Variants in MIR2052HG observed in about 807,000 individuals in gnomAD.
MIR2052HG encodes the protein MIR2052 host gene.
At chr8:74,643,421 G>C (rs1217599960) in intron 2 of MIR2052HG, among the ~76,000 whole-genome samples, 1 of 152,032 alleles carries the variant, frequency 6.6e-6, no homozygotes, top group Non-Finnish European at 1.5e-5. Flanking sequence ...AGTAAAAAAA[G>C]GATTGGTAAG....
At chr8:74,632,869 C>T (rs565865275) in intron 2 of MIR2052HG, among the ~76,000 whole-genome samples, 3 of 152,244 alleles carry the variant, frequency 2.0e-5, no homozygotes, top group African/African-American at 7.2e-5. Flanking sequence ...ATAATAGTCT[C>T]TGTTTTATGA....
At chr8:74,612,609 C>T (rs565205540) in intron 1 of MIR2052HG, 2 of 281,836 alleles carry the variant, frequency 7.1e-6, no homozygotes, top group Non-Finnish European at 1.4e-5. Context: ...TATCATTTGG[C>T]TAGCCATAGA....
At chr8:74,723,884 C>A (rs1809604778) in intron 4 of MIR2052HG, among the ~76,000 whole-genome samples, 1 of 152,128 alleles carries the variant, frequency 6.6e-6, no homozygotes, top group Non-Finnish European at 1.5e-5. Flanking sequence ...AATCTTATTT[C>A]TAGACAAAAA....
chr8:74,665,850 T>C (rs1382225086), intron 2 of MIR2052HG, among the ~76,000 whole-genome samples: 1 of 152,184 alleles, frequency 6.6e-6, no homozygotes, highest in Non-Finnish European at 1.5e-5. Context: ...TGATAGTGAA[T>C]ACGTCTCACA....
intron 4 of MIR2052HG, among the ~76,000 whole-genome samples, chr8:74,736,972 T>C (rs1197893558): frequency 6.6e-6 from 1 of 152,140 alleles, no homozygotes; most frequent in Non-Finnish European, 1.5e-5. Flanking sequence ...TTCCTAGAAC[T>C]AAATTGAAAG....
intron 2 of MIR2052HG, among the ~76,000 whole-genome samples, chr8:74,695,762 C>A (rs1809289541): frequency 6.6e-6 from 1 of 152,130 alleles, no homozygotes; most frequent in Middle Eastern, 3.4e-3. Flanking sequence ...ACTAGTCTAA[C>A]AGGAAAATAT....
intron 4 of MIR2052HG, among the ~76,000 whole-genome samples, chr8:74,708,149 G>C (rs914240549): frequency 6.6e-6 from 1 of 152,086 alleles, no homozygotes; most frequent in African/African-American, 2.4e-5. Context: ...TTTATGAAGA[G>C]ACCCCGTGAT....
intron 4 of MIR2052HG, among the ~76,000 whole-genome samples, chr8:74,729,293 A>C (rs1310116053): frequency 6.6e-6 from 1 of 152,144 alleles, no homozygotes; most frequent in East Asian, 1.9e-4. Context: ...GAAAGGCTGA[A>C]CTTGAACAAA....
intron 4 of MIR2052HG, among the ~76,000 whole-genome samples, chr8:74,738,359 C>A (rs1809793065): frequency 1.3e-5 from 2 of 152,150 alleles, no homozygotes; most frequent in Non-Finnish European, 2.9e-5. Flanking sequence ...ATGCCTTTCA[C>A]CCAACTTATC....
intron 4 of MIR2052HG, among the ~76,000 whole-genome samples, chr8:74,729,889 T>C (rs1809674251): frequency 6.6e-6 from 1 of 152,192 alleles, no homozygotes; most frequent in Non-Finnish European, 1.5e-5. Flanking sequence ...TGCTCTATGG[T>C]TGTAAATGTA....
intron 2 of MIR2052HG, among the ~76,000 whole-genome samples, chr8:74,648,802 C>A (rs374567175): frequency 6.6e-6 from 1 of 151,868 alleles, no homozygotes; most frequent in Non-Finnish European, 1.5e-5. Context: ...ACTTTTGAAT[C>A]GTCTCTATGT....
At chr8:74,729,366 G>A (rs1249132529) in intron 4 of MIR2052HG, among the ~76,000 whole-genome samples, 1 of 152,108 alleles carries the variant, frequency 6.6e-6, no homozygotes, top group Non-Finnish European at 1.5e-5. Context: ...TGTATTAGTT[G>A]TAATGTGCAC....
At chr8:74,641,896 G>A (rs1808642337) in intron 2 of MIR2052HG, among the ~76,000 whole-genome samples, 1 of 152,112 alleles carries the variant, frequency 6.6e-6, no homozygotes, top group Non-Finnish European at 1.5e-5. Context: ...GGGATATATT[G>A]TCTCAGCCCA....
At chr8:74,694,473 C>T (rs1481679555) in intron 2 of MIR2052HG, among the ~76,000 whole-genome samples, 1 of 152,052 alleles carries the variant, frequency 6.6e-6, no homozygotes, top group Admixed American at 6.6e-5. Context: ...CCTGAAAGAC[C>T]ACATAGCTCA....
chr8:74,714,418 A>G (rs1809499908), intron 4 of MIR2052HG, among the ~76,000 whole-genome samples: 1 of 152,144 alleles, frequency 6.6e-6, no homozygotes, highest in Admixed American at 6.5e-5. Flanking sequence ...AAATTATAAA[A>G]CCATATAGCA....
intron 4 of MIR2052HG, among the ~76,000 whole-genome samples, chr8:74,721,330 C>T (rs746301079): frequency 6.6e-6 from 1 of 152,194 alleles, no homozygotes; most frequent in Non-Finnish European, 1.5e-5. Flanking sequence ...TTTCACTTAT[C>T]TATTGCTGCA....
chr8:74,604,267 T>A, intron 1 of MIR2052HG: 3 of 845,008 alleles, frequency 3.6e-6, no homozygotes, highest in Non-Finnish European at 6.1e-6. Flanking sequence ...TCTGGGGAGC[T>A]GGACTTTGAG....
intron 5 of MIR2052HG, among the ~76,000 whole-genome samples, chr8:74,756,088 C>T (rs774270141): frequency 7.2e-5 from 11 of 152,144 alleles, no homozygotes; most frequent in Admixed American, 1.3e-4. Context: ...TTTTCATGAG[C>T]GCTTCAGTTC....
At chr8:74,605,559 A>T in intron 1 of MIR2052HG, among the ~76,000 whole-genome samples, 1 of 152,222 alleles carries the variant, frequency 6.6e-6, no homozygotes, top group East Asian at 1.9e-4. Context: ...TTGAGAAGAA[A>T]ATACTTGGAA....
Sources: gnomAD v4.1 joint callset for allele counts (sites outside exome capture counted in the v4.1 genomes callset) on GRCh38, gnomAD v4.1.1 for gene constraint, MANE v1.5 for transcripts, NCBI Gene and HGNC (gene_info 2026-07-23, HGNC 2026-07-21) for gene names.